The following STK32B variants were observed in gnomAD, a reference collection of about 807,000 sequenced individuals.
STK32B encodes the protein serine/threonine kinase 32B, also known as serine/threonine-protein kinase 32B.
Under a neutral mutation model 52.6 loss-of-function variants are expected in STK32B, and 43 were observed. The observed-to-expected ratio is 0.82, with a 90% confidence interval of 0.64 to 1.05. STK32B has a LOEUF of 1.05. STK32B is among the 50% of genes least tolerant of loss of function. STK32B has a pLI of 0.00. For synonymous variants in STK32B, 238 were observed against 204.3 expected (o/e 1.17, Z -1.41); for missense variants, 621 against 534.6 (o/e 1.16, Z -1.59).
chr4:5,452,262 T>C (rs536668159), intron 7 of STK32B, among the ~76,000 whole-genome samples: 16 of 151,872 alleles, frequency 1.1e-4, no homozygotes, highest in Non-Finnish European at 2.4e-4. Flanking sequence ...AGGTTGAGGG[T>C]ACAGAGAGGC....
intron 1 of STK32B, among the ~76,000 whole-genome samples, chr4:5,126,742 C>G (rs545080452): frequency 1.6e-4 from 24 of 152,314 alleles, no homozygotes; most frequent in African/African-American, 5.8e-4. Context: ...AGTAACATGA[C>G]TATATCACCT....
At chr4:5,133,923 C>T (rs529126991) in intron 1 of STK32B, among the ~76,000 whole-genome samples, 5 of 152,338 alleles carry the variant, frequency 3.3e-5, no homozygotes, top group African/African-American at 1.2e-4. Flanking sequence ...CTTACGTCCT[C>T]AGGTTCACAC....
chr4:5,351,512 A>G (rs1733823818), intron 4 of STK32B, among the ~76,000 whole-genome samples: 1 of 152,110 alleles, frequency 6.6e-6, no homozygotes, highest in Non-Finnish European at 1.5e-5. Flanking sequence ...ACATCAAAAG[A>G]GTAGAAAGAT....
chr4:5,165,889 T>G (rs1160983943), intron 2 of STK32B, among the ~76,000 whole-genome samples: 1 of 152,182 alleles, frequency 6.6e-6, no homozygotes, highest in Non-Finnish European at 1.5e-5. Context: ...TCTAATACAT[T>G]GAGATGCAGT....
intron 2 of STK32B, among the ~76,000 whole-genome samples, chr4:5,157,241 G>A (rs1220652204): frequency 1.4e-5 from 2 of 143,940 alleles, no homozygotes; most frequent in Admixed American, 1.4e-4. Flanking sequence ...GAGTTCAACA[G>A]TTAATGTTCA....
At chr4:5,365,252 C>T (rs6824273) in intron 4 of STK32B, among the ~76,000 whole-genome samples, 2 of 152,152 alleles carry the variant, frequency 1.3e-5, no homozygotes, top group African/African-American at 2.4e-5. Flanking sequence ...TATGTTTTCA[C>T]GGAACTTTGG....
At chr4:5,321,134 T>C (rs116340411) in intron 3 of STK32B, among the ~76,000 whole-genome samples, 280 of 152,216 alleles carry the variant, frequency 1.8e-3, no homozygotes, top group African/African-American at 6.4e-3. Context: ...CTAGGCAAGT[T>C]ACTCAGCTTC....
At chr4:5,249,485 T>TC (rs1725750864) in intron 3 of STK32B, among the ~76,000 whole-genome samples, 1 of 110,734 alleles carries the variant, frequency 9.0e-6, no homozygotes, top group Non-Finnish European at 1.8e-5. Context: ...CTTCCTTCCT[T>TC]CCTTCCTTCC....
At chr4:5,364,666 C>A (rs893726518) in intron 4 of STK32B, among the ~76,000 whole-genome samples, 1 of 152,164 alleles carries the variant, frequency 6.6e-6, no homozygotes. Flanking sequence ...GCCCCAGGGA[C>A]AGCCCCTCTA....
At chr4:5,446,230 A>G (rs1715405616) in intron 6 of STK32B, among the ~76,000 whole-genome samples, 2 of 152,364 alleles carry the variant, frequency 1.3e-5, no homozygotes, top group Non-Finnish European at 1.5e-5. Flanking sequence ...GGTACAAACC[A>G]CATGGCATAG....
At chr4:5,444,513 G>C in intron 6 of STK32B, among the ~76,000 whole-genome samples, 1 of 152,196 alleles carries the variant, frequency 6.6e-6, no homozygotes, top group East Asian at 1.9e-4. Context: ...GCACTCCCTA[G>C]TGAGATGAAC....
In STK32B at chr4:5,468,567, G is replaced by T. The variant is rs534775995; in HGVS notation, c.1106+497G>T. 4.6e-5 allele frequency among the ~76,000 whole-genome samples: 7 copies of T among 152,322 alleles called. No individual in the cohort carries two copies. The South Asian group carries it at 8.3e-4, about 18-fold the overall frequency. Reference sequence around the variant, plus strand: ...TGGTATGGAAGGGGTTCTCAACACGGCAAGGTAATGACGATTGTTACTAAT... The same window carrying T: ...TGGTATGGAAGGGGTTCTCAACACGTCAAGGTAATGACGATTGTTACTAAT... On this transcript the variant is annotated intron_variant, in intron 11 of 11. Transcript: ENST00000282908.
chr4:5,244,882 C>T (rs1256161561), intron 3 of STK32B, among the ~76,000 whole-genome samples: 10 of 152,102 alleles, frequency 6.6e-5, no homozygotes, highest in East Asian at 1.9e-4. Flanking sequence ...TGTAGTTGAG[C>T]GGTTTTGAGT....
intron 3 of STK32B, among the ~76,000 whole-genome samples, chr4:5,203,789 G>A (rs1235557171): frequency 6.6e-6 from 1 of 151,982 alleles, no homozygotes; most frequent in African/African-American, 2.4e-5. Context: ...CCCCAGCTTC[G>A]TTATGCTTCA....
intron 3 of STK32B, among the ~76,000 whole-genome samples, chr4:5,281,156 TCA>T (rs1728169010): frequency 6.6e-6 from 1 of 151,650 alleles, no homozygotes; most frequent in Non-Finnish European, 1.5e-5. Flanking sequence ...TCATGAGAAC[TCA>T]CTATCATGAG....
chr4:5,405,310 T>C (rs1339502622), intron 5 of STK32B, among the ~76,000 whole-genome samples: 2 of 151,818 alleles, frequency 1.3e-5, no homozygotes, highest in Non-Finnish European at 2.9e-5. Context: ...GTCCCATTCC[T>C]GGTAAGAGGA....
intron 11 of STK32B, among the ~76,000 whole-genome samples, chr4:5,468,653 A>G (rs1011563694): frequency 6.6e-6 from 1 of 152,188 alleles, no homozygotes; most frequent in Non-Finnish European, 1.5e-5. Flanking sequence ...ATGGGAAAAG[A>G]GACACAGGGA....
intron 1 of STK32B, among the ~76,000 whole-genome samples, chr4:5,078,121 AG>A (rs1361947251): frequency 6.6e-6 from 1 of 152,152 alleles, no homozygotes; most frequent in Non-Finnish European, 1.5e-5. Context: ...AAAGGAGGAA[AG>A]GGGCCTTTTC....
At chr4:5,059,234 A>G (rs1742127157) in intron 1 of STK32B, among the ~76,000 whole-genome samples, 1 of 151,694 alleles carries the variant, frequency 6.6e-6, no homozygotes, top group Non-Finnish European at 1.5e-5. Context: ...GGGGCTGCTC[A>G]TTACCACAGT....
Sources: gnomAD v4.1 joint callset for allele counts (sites outside exome capture counted in the v4.1 genomes callset) on GRCh38, gnomAD v4.1.1 for gene constraint, MANE v1.5 for transcripts, NCBI Gene and HGNC (gene_info 2026-07-23, HGNC 2026-07-21) for gene names.